SH2D3A: variants seen among roughly 807,000 people sequenced by gnomAD.
SH2D3A encodes the protein SH2 domain containing 3A.
Under a neutral mutation model 50.6 loss-of-function variants are expected in SH2D3A, and 46 were observed. That is an observed-to-expected ratio of 0.91 (90% CI 0.72 to 1.16). The LOEUF (loss-of-function observed/expected upper bound fraction) is 1.16. SH2D3A is among the 50% of genes most tolerant of loss of function. The pLI, the probability that SH2D3A is intolerant of heterozygous loss-of-function variation, is 0.00. For missense variants in SH2D3A, 783 were observed against 786.2 expected (o/e 1.00, Z 0.05); for synonymous variants, 377 against 348.4 (o/e 1.08, Z -0.91).
chr19:6,761,117 G>A, intron 2 of SH2D3A, 130 bp from the exon 3 acceptor site: 1 of 710,874 alleles, frequency 1.4e-6, no homozygotes, highest in Non-Finnish European at 2.3e-6. Context: ...GGCAGGCAAA[G>A]ACGGGGAACT....
intron 4 of SH2D3A, among the ~76,000 whole-genome samples, chr19:6,756,158 AAT>A (rs1046921581): frequency 6.8e-6 from 1 of 147,964 alleles, no homozygotes; most frequent in Non-Finnish European, 1.5e-5. Context: ...ATATTATATA[AAT>A]ATATAATATA....
At position 6,760,949 on chromosome 19, in the gene SH2D3A, CA is replaced by C; in HGVS notation, c.107del (p.Leu36ArgfsTer13). 6.2e-7 allele frequency: 1 copy of C among 1,613,112 alleles called. No individual in the cohort carries two copies. Among genetic ancestry groups the C allele is most frequent in the Non-Finnish European group, 8.5e-7 (1 of 1,179,552 alleles). ...CCCCACGGGACCCAGAGGCGCGAAC[CA>C]GGAAGTCGCCATTTTGCTGAAGAAG... ...EALLQQNGDF[L>X]VRASGSRGGN... is the part of the protein sequence containing the mutation. On this transcript the variant is annotated frameshift_variant, in exon 3 of 10. Coordinates refer to ENST00000245908, the MANE Select transcript of SH2D3A (RefSeq NM_005490.3). LOFTEE classifies it high-confidence loss of function.
intron 2 of SH2D3A, 114 bp from the exon 3 acceptor site, chr19:6,761,101 T>C: frequency 1.2e-6 from 1 of 826,818 alleles, no homozygotes; most frequent in African/African-American, 1.7e-5. Flanking sequence ...CCAGTGAAAC[T>C]TCTGTGGCAG....
chr19:6,759,266 A>C (rs1969873637), intron 4 of SH2D3A: 1 of 263,720 alleles, frequency 3.8e-6, no homozygotes, highest in Admixed American at 5.3e-5. Context: ...GGTGCGTGCC[A>C]CCACGCTCGG....
At chr19:6,761,963 A>AAT (rs1555695964) in intron 2 of SH2D3A, among the ~76,000 whole-genome samples, 2 of 107,456 alleles carry the variant, frequency 1.9e-5, no homozygotes, top group African/African-American at 8.2e-5. Flanking sequence ...ACAAAAAAAA[A>AAT]ACAAAAAAAA....
intron 2 of SH2D3A, 91 bp downstream of exon 2, chr19:6,763,589 C>T (rs1165147534): frequency 8.0e-7 from 1 of 1,250,056 alleles, no homozygotes; most frequent in African/African-American, 1.5e-5. Context: ...GACCTTGGCA[C>T]TAAGTCCCTC....
At chr19:6,763,905 C>CTTTTTTTTTTTTTT (rs1168778786) in intron 1 of SH2D3A, 89 bp from the exon 2 acceptor site, 1 of 106,744 alleles carries the variant, frequency 9.4e-6, no homozygotes, top group Non-Finnish European at 1.7e-5. Context: ...TCCATCAAAT[C>CTTTTTTTTTTTTTT]TTTTTTTTTT....
In SH2D3A at chr19:6,760,864, C is replaced by T. The variant is rs367560553; in HGVS notation, c.193G>A (p.Val65Met). 1.9e-6 allele frequency: 3 copies of T among 1,614,228 alleles called. No individual in the cohort carries two copies. Among genetic ancestry groups the T allele is most frequent in the Non-Finnish European group, 2.5e-6 (3 of 1,180,038 alleles). Reference sequence around the variant, plus strand: ...CGGCCTGGCCGGGGACGCAGGGCCACACGGAACACCTCAAAATGGAGGGCT... The same window carrying T: ...CGGCCTGGCCGGGGACGCAGGGCCATACGGAACACCTCAAAATGGAGGGCT... Reference protein sequence around the residue: ...GSALHFEVFRVALRPRPGRPT... With the variant: ...GSALHFEVFRMALRPRPGRPT... The change falls in exon 3 of 10, where the codon GTG (valine) becomes ATG (methionine). Residue 65 changes from valine (V) to methionine (M), a missense_variant. Transcript: ENST00000245908.
intron 1 of SH2D3A, 112 bp downstream of exon 1, chr19:6,767,275 G>GGC (rs1970349794): frequency 6.6e-6 from 1 of 152,244 alleles, no homozygotes; most frequent in African/African-American, 2.4e-5. Flanking sequence ...TCATTCGCGA[G>GGC]GCGACCTCTT....
chr19:6,763,024 G>A (rs1970114673), intron 2 of SH2D3A, among the ~76,000 whole-genome samples: 1 of 152,116 alleles, frequency 6.6e-6, no homozygotes, highest in Non-Finnish European at 1.5e-5. Context: ...GGTGACAACT[G>A]AGTTTCAGAT....
rs184120198 is a variant in SH2D3A at position 6,761,226 on chromosome 19, A to G, written c.70-239T>C. The G allele has an allele frequency of 2.2e-3, 1,154 of 521,324 alleles. 2 individuals are homozygous for G. Among genetic ancestry groups the G allele is most frequent in the Non-Finnish European group, 2.7e-3 (796 of 292,686 alleles). The allele number at this position is 521,324 out of a possible 1,614,324, so 32.3% of individuals were successfully genotyped here. A position where few individuals can be genotyped will look rare whatever the true frequency, so the allele number is the denominator to read the frequency against. On this transcript the variant is annotated intron_variant, in intron 2 of 9. Transcript: ENST00000245908. ...GGTTGTCATGTGATGAGAACTGGCC[A>G]ATGGGATGTGGGGTAGAAGGGCTAT...
chr19:6,754,689 T>A lies in SH2D3A; in HGVS notation c.1024A>T (p.Met342Leu). The part of the protein sequence containing the change: ...LGVTRDQRGN[M>L]GVSSGLELLT... ...AGCTCCAGGCCAGATGAGACTCCCA[T>A]GTTGCCCCGCTGATCTCTGGTCACT... Residue 342 changes from methionine to leucine, a missense_variant, in exon 6 of 10, where the codon ATG becomes TTG. Physicochemically the swap from Met to Leu is conservative, Grantham distance 15. Coordinates refer to ENST00000245908, the MANE Select transcript of SH2D3A (RefSeq NM_005490.3). 6.2e-7 allele frequency: 1 copy of A among 1,614,152 alleles called. No homozygotes were observed. The highest frequency in any genetic ancestry group is 8.5e-7 in the Non-Finnish European group (1 of 1,180,000).
At chr19:6,766,239 C>T (rs778797492) in intron 1 of SH2D3A, among the ~76,000 whole-genome samples, 4 of 152,266 alleles carry the variant, frequency 2.6e-5, no homozygotes, top group African/African-American at 9.6e-5. Context: ...GGGCTAGCCT[C>T]GGTCGCAGAG....
chr19:6,759,492 G>T (rs1969886878), intron 4 of SH2D3A, 102 bp downstream of exon 4: 2 of 975,274 alleles, frequency 2.1e-6, no homozygotes, highest in African/African-American at 1.6e-5. Flanking sequence ...TCTAAAGCAA[G>T]AAATTGAGGC....
intron 1 of SH2D3A, among the ~76,000 whole-genome samples, chr19:6,764,711 C>G (rs1381173036): frequency 6.6e-6 from 1 of 151,336 alleles, no homozygotes; most frequent in Non-Finnish European, 1.5e-5. Context: ...AGGGTGAACA[C>G]TCTTTTTTTT....
At chr19:6,760,555 C>CA (rs137939721) in intron 3 of SH2D3A, 83 bp downstream of exon 3, 59,092 of 971,030 alleles carry the variant, frequency 0.061, no homozygotes, top group Non-Finnish European at 0.068. Flanking sequence ...GAGACTCAGT[C>CA]AAAAAAAAAA....
intron 8 of SH2D3A, 80 bp downstream of exon 8, chr19:6,753,954 CCTAGAACAGATGCAGGGA>C: frequency 7.2e-7 from 1 of 1,392,622 alleles, no homozygotes; most frequent in African/African-American, 1.5e-5. Flanking sequence ...AGGGACCGGG[CCTAGAACAGATGCAGGGA>C]CTGGGCATAG....
At chr19:6,762,404 C>T (rs757383916) in intron 2 of SH2D3A, among the ~76,000 whole-genome samples, 3 of 151,340 alleles carry the variant, frequency 2.0e-5, no homozygotes, top group East Asian at 3.9e-4. Flanking sequence ...AGGCTGGTCT[C>T]GAACTCCTGA....
chr19:6,755,921 G>A (rs1969640595), intron 4 of SH2D3A, among the ~76,000 whole-genome samples: 1 of 151,194 alleles, frequency 6.6e-6, no homozygotes, highest in Non-Finnish European at 1.5e-5. Flanking sequence ...TCTACAAAAA[G>A]TTAGAAAATT....
Sources: gnomAD v4.1 joint callset for allele counts (sites outside exome capture counted in the v4.1 genomes callset) on GRCh38, gnomAD v4.1.1 for gene constraint, MANE v1.5 for transcripts, NCBI Gene and HGNC (gene_info 2026-07-23, HGNC 2026-07-21) for gene names.